KANK1: variants seen among roughly 807,000 people sequenced by gnomAD.
KANK1 encodes the protein KN motif and ankyrin repeat domain-containing protein 1.
A neutral mutation model predicts 106.2 loss-of-function variants in KANK1; 109 were observed. The ratio of observed to expected loss-of-function variants is 1.03; its 90% CI spans 0.88 to 1.20. The LOEUF (loss-of-function observed/expected upper bound fraction) is 1.20, where lower values mean the gene tolerates loss of function less well. KANK1 is among the 50% of genes most tolerant of loss of function. The pLI, the probability that KANK1 is intolerant of heterozygous loss-of-function variation, is 0.00. For missense variants in KANK1, 2,399 were observed against 1,710.7 expected, an observed-to-expected ratio of 1.40 and a Z score of -7.10; for synonymous variants, 873 against 652.2, an observed-to-expected ratio of 1.34 and a Z score of -5.16.
chr9:664,772 A>G (rs998268701), intron 1 of KANK1, among the ~76,000 whole-genome samples: 3 of 152,310 alleles, frequency 2.0e-5, no homozygotes, highest in East Asian at 3.9e-4. Context: ...TAGTGGCTGT[A>G]CTAATTTACA....
chr9:669,508 G>GT (rs1845423235), intron 1 of KANK1, among the ~76,000 whole-genome samples: 5 of 130,974 alleles, frequency 3.8e-5, no homozygotes, highest in Admixed American at 3.1e-4. Flanking sequence ...GGATAGCAGG[G>GT]TTTTTTGGGG....
At chr9:679,168 A>G (rs1472932862) in intron 2 of KANK1, among the ~76,000 whole-genome samples, 1 of 152,084 alleles carries the variant, frequency 6.6e-6, no homozygotes, top group East Asian at 1.9e-4. Context: ...CAGAGTATGA[A>G]TTGTTACTGC....
chr9:489,839 A>C (rs563828522), intron 3 of KANK1, among the ~76,000 whole-genome samples: 1 of 152,354 alleles, frequency 6.6e-6, no homozygotes, highest in South Asian at 2.1e-4. Flanking sequence ...TGAAATAACC[A>C]AGATTATAGT....
At chr9:591,433 T>G (rs1824851841) in intron 1 of KANK1, among the ~76,000 whole-genome samples, 1 of 151,794 alleles carries the variant, frequency 6.6e-6, no homozygotes, top group Non-Finnish European at 1.5e-5. Context: ...CATGGCATTC[T>G]TGTTATCATG....
chr9:565,021 C>A (rs1375697617), intron 1 of KANK1, among the ~76,000 whole-genome samples: 1 of 152,178 alleles, frequency 6.6e-6, no homozygotes, highest in Non-Finnish European at 1.5e-5. Flanking sequence ...ATGGTGACTG[C>A]TTTCACCATT....
At chr9:689,650 G>A (rs141027930) in intron 2 of KANK1, among the ~76,000 whole-genome samples, 115 of 152,260 alleles carry the variant, frequency 7.6e-4, no homozygotes, top group African/African-American at 2.6e-3. Flanking sequence ...AAGAGCCTTG[G>A]TGCTGTGGAA....
At chr9:539,144 G>A (rs780622338) in intron 1 of KANK1, among the ~76,000 whole-genome samples, 1 of 152,086 alleles carries the variant, frequency 6.6e-6, no homozygotes, top group Non-Finnish European at 1.5e-5. Context: ...GCCTCCCTAA[G>A]TGCTGGGATT....
intron 1 of KANK1, among the ~76,000 whole-genome samples, chr9:514,297 T>C (rs1005483865): frequency 8.2e-6 from 1 of 122,666 alleles, no homozygotes; most frequent in Non-Finnish European, 1.6e-5. Context: ...TTCATCTCAA[T>C]AGAGCTGCTT....
At chr9:580,277 A>T (rs1254988905) in intron 1 of KANK1, among the ~76,000 whole-genome samples, 1 of 152,112 alleles carries the variant, frequency 6.6e-6, no homozygotes, top group Non-Finnish European at 1.5e-5. Flanking sequence ...GTGAAGCTGC[A>T]GACCTTCCTG....
At chr9:527,035 T>G (rs1051167058) in intron 1 of KANK1, among the ~76,000 whole-genome samples, 6 of 151,754 alleles carry the variant, frequency 4.0e-5, no homozygotes, top group Non-Finnish European at 4.4e-5. Context: ...CTCATACAGC[T>G]TTTGCCCACC....
intron 1 of KANK1, among the ~76,000 whole-genome samples, chr9:655,181 C>A (rs1284761555): frequency 6.6e-6 from 1 of 152,036 alleles, no homozygotes; most frequent in South Asian, 2.1e-4. Flanking sequence ...ACCAGCCTGG[C>A]TAACGTGGTG....
chr9:724,960 A>G (rs549953605), intron 3 of KANK1, among the ~76,000 whole-genome samples: 6 of 152,316 alleles, frequency 3.9e-5, no homozygotes, highest in African/African-American at 1.4e-4. Flanking sequence ...TCAAAGGCAC[A>G]TTAGGCATTT....
chr9:696,683 A>G (rs7854502), intron 2 of KANK1, among the ~76,000 whole-genome samples: 77,382 of 151,972 alleles, frequency 0.51, 20,573 homozygotes, highest in South Asian at 0.72. Context: ...GTGCCACAGA[A>G]AAGAGCTTTT....
rs146139595 is a variant in KANK1 at position 713,401 on chromosome 9, T to C, written c.2635T>C (p.Ser879Pro). 6.4e-5 allele frequency: 103 copies of C among 1,613,340 alleles called. No individual in the cohort carries two copies. The highest frequency in any genetic ancestry group is 2.3e-4 in the Admixed American group (14 of 59,878). Residue 879 changes from serine to proline, a missense_variant, in exon 3 of 12, where the codon TCT becomes CCT. Transcript: ENST00000382297. ...TLSSINSVMK[S>P]ASTEELRNPD... Reference sequence around the variant, plus strand: ...GTCGTCTATCAACTCTGTCATGAAATCTGCAAGCACTGAAGAGCTGAGGAA... The same window carrying C: ...GTCGTCTATCAACTCTGTCATGAAACCTGCAAGCACTGAAGAGCTGAGGAA...
At chr9:493,384 C>A (rs1274958916) in intron 3 of KANK1, among the ~76,000 whole-genome samples, 1 of 152,032 alleles carries the variant, frequency 6.6e-6, no homozygotes, top group Non-Finnish European at 1.5e-5. Flanking sequence ...GATCCACCAG[C>A]CCTGGTCAAG....
intron 3 of KANK1, among the ~76,000 whole-genome samples, chr9:724,171 A>G (rs1198281809): frequency 6.6e-6 from 1 of 152,112 alleles, no homozygotes; most frequent in African/African-American, 2.4e-5. Context: ...TCTTTTTTTA[A>G]GATTTGATAG....
intron 1 of KANK1, among the ~76,000 whole-genome samples, chr9:584,042 G>C (rs1822830226): frequency 6.6e-6 from 1 of 152,078 alleles, no homozygotes; most frequent in Non-Finnish European, 1.5e-5. Flanking sequence ...CTGTACATTT[G>C]ACCTTGACCT....
At chr9:618,859 C>G (rs1194730395) in intron 1 of KANK1, among the ~76,000 whole-genome samples, 1 of 152,170 alleles carries the variant, frequency 6.6e-6, no homozygotes, top group Non-Finnish European at 1.5e-5. Flanking sequence ...GCAAAATTGT[C>G]TCCACCTTAT....
chr9:640,975 C>T (rs1012872348), intron 1 of KANK1, among the ~76,000 whole-genome samples: 3 of 152,002 alleles, frequency 2.0e-5, no homozygotes, highest in East Asian at 1.9e-4. Flanking sequence ...GGATTACAGG[C>T]GTGAGCCACC....
Sources: gnomAD v4.1 joint callset for allele counts (sites outside exome capture counted in the v4.1 genomes callset) on GRCh38, gnomAD v4.1.1 for gene constraint, MANE v1.5 for transcripts, NCBI Gene and HGNC (gene_info 2026-07-23, HGNC 2026-07-21) for gene names.